CSMD3: variants seen among roughly 807,000 people sequenced by gnomAD.
CSMD3 encodes the protein CUB and Sushi multiple domains 3.
In CSMD3, 177 loss-of-function variants were observed where a neutral mutation model predicts 435.2. That is an observed-to-expected ratio of 0.41 (90% CI 0.36 to 0.46). CSMD3 has a LOEUF of 0.46. Among genes scored for constraint, CSMD3 ranks in the 20% least tolerant of loss-of-function variants. CSMD3 has a pLI of 0.34. For synonymous variants in CSMD3, 1,656 were observed against 1,520.5 expected, an observed-to-expected ratio of 1.09 and a Z score of -2.07; for missense variants, 4,265 against 4,504.6, an observed-to-expected ratio of 0.95 and a Z score of 1.52.
chr8:112,292,358 T>C (rs1819845962), intron 55 of CSMD3, among the ~76,000 whole-genome samples, 179 bp downstream of exon 55: 1 of 152,106 alleles, frequency 6.6e-6, no homozygotes, highest in Non-Finnish European at 1.5e-5. Context: ...CTTTTAAAAA[T>C]ATGTTACAAA....
chr8:112,738,531 A>G (rs1160760352), intron 13 of CSMD3, among the ~76,000 whole-genome samples: 1 of 151,786 alleles, frequency 6.6e-6, no homozygotes, highest in African/African-American at 2.4e-5. Context: ...TAGGTACTTC[A>G]GAAGAGAAAT....
chr8:113,346,682 C>G (rs958096947), intron 1 of CSMD3, among the ~76,000 whole-genome samples: 1 of 151,466 alleles, frequency 6.6e-6, no homozygotes, highest in African/African-American at 2.4e-5. Context: ...TATCTCCAGT[C>G]AAGTATTAAA....
chr8:113,130,289 T>G (rs1469253482), intron 4 of CSMD3, among the ~76,000 whole-genome samples: 1 of 152,090 alleles, frequency 6.6e-6, no homozygotes, highest in East Asian at 1.9e-4. Flanking sequence ...TGTATTTGTG[T>G]CCCCATCCAA....
chr8:112,842,878 T>G (rs533918175), intron 11 of CSMD3, among the ~76,000 whole-genome samples: 1 of 151,908 alleles, frequency 6.6e-6, no homozygotes, highest in South Asian at 2.1e-4. Context: ...ACTATTATTG[T>G]AAGTATTAAA....
intron 17 of CSMD3, among the ~76,000 whole-genome samples, chr8:112,663,902 A>G (rs1251584082): frequency 6.6e-6 from 1 of 152,186 alleles, no homozygotes; most frequent in Non-Finnish European, 1.5e-5. Flanking sequence ...TTCTGGAGAC[A>G]GAATTTAAGT....
intron 30 of CSMD3, among the ~76,000 whole-genome samples, chr8:112,494,494 C>CCTTTCT (rs1554591430): frequency 7.5e-5 from 3 of 40,174 alleles, no homozygotes; most frequent in African/African-American, 2.6e-4. Flanking sequence ...TTCTTTCTCT[C>CCTTTCT]CTTTCTTTCT....
At chr8:113,081,952 C>G (rs1367128841) in intron 5 of CSMD3, among the ~76,000 whole-genome samples, 2 of 152,118 alleles carry the variant, frequency 1.3e-5, no homozygotes, top group Non-Finnish European at 2.9e-5. Context: ...AACATCAATT[C>G]CTCTAGCAGG....
intron 5 of CSMD3, among the ~76,000 whole-genome samples, chr8:113,085,732 C>T (rs1022492234): frequency 1.3e-5 from 2 of 151,986 alleles, no homozygotes; most frequent in Non-Finnish European, 2.9e-5. Context: ...AAAAATGGTG[C>T]TCATAGATGT....
intron 6 of CSMD3, among the ~76,000 whole-genome samples, chr8:113,012,389 C>G (rs1362383026): frequency 6.6e-6 from 1 of 151,894 alleles, no homozygotes; most frequent in Non-Finnish European, 1.5e-5. Context: ...ATCTACTCAT[C>G]TATGTCTAAT....
intron 1 of CSMD3, among the ~76,000 whole-genome samples, chr8:113,403,380 G>A (rs1365258798): frequency 6.6e-6 from 1 of 151,140 alleles, no homozygotes; most frequent in Admixed American, 6.6e-5. Context: ...CATTTTATGA[G>A]TGACTTTTGG....
chr8:112,278,251 C>T (rs1279317140), intron 59 of CSMD3, among the ~76,000 whole-genome samples: 1 of 152,150 alleles, frequency 6.6e-6, no homozygotes, highest in Non-Finnish European at 1.5e-5. Flanking sequence ...ACTGGCTCTG[C>T]TGCCACCTGG....
chr8:112,533,508 A>C (rs1356316776), intron 27 of CSMD3, among the ~76,000 whole-genome samples: 1 of 152,086 alleles, frequency 6.6e-6, no homozygotes, highest in African/African-American at 2.4e-5. Flanking sequence ...AAAAAACTGA[A>C]AAGATACAAA....
chr8:112,549,401 T>C (rs1346462275), intron 27 of CSMD3, among the ~76,000 whole-genome samples: 2 of 152,068 alleles, frequency 1.3e-5, no homozygotes, highest in African/African-American at 4.8e-5. Flanking sequence ...AGTGCAAATT[T>C]AGAGATATTG....
At chr8:113,172,515 A>T (rs1349771546) in intron 4 of CSMD3, among the ~76,000 whole-genome samples, 1 of 152,190 alleles carries the variant, frequency 6.6e-6, no homozygotes, top group African/African-American at 2.4e-5. Context: ...ATTTTTACTA[A>T]GCAGCCAGTG....
intron 10 of CSMD3, among the ~76,000 whole-genome samples, chr8:112,903,650 A>G (rs925810000): frequency 6.6e-6 from 1 of 151,146 alleles, no homozygotes; most frequent in Non-Finnish European, 1.5e-5. Flanking sequence ...ACTTTTACAA[A>G]CACTGTAAAT....
chr8:112,625,287 G>A (rs533753911), intron 22 of CSMD3, among the ~76,000 whole-genome samples: 358 of 152,078 alleles, frequency 2.4e-3, no homozygotes, highest in African/African-American at 8.2e-3. Context: ...TTTTACACAA[G>A]CACATTACAT....
chr8:113,296,704 G>A (rs1588462052), intron 2 of CSMD3, among the ~76,000 whole-genome samples: 2 of 152,108 alleles, frequency 1.3e-5, no homozygotes, highest in East Asian at 3.8e-4. Flanking sequence ...ATCAGATATA[G>A]AGAATACCAA....
chr8:112,751,688 A>T (rs941422428), intron 13 of CSMD3, among the ~76,000 whole-genome samples: 52 of 151,472 alleles, frequency 3.4e-4, no homozygotes, highest in Non-Finnish European at 2.8e-4. Context: ...CAAAGTCACA[A>T]GTTGGTAACC....
intron 3 of CSMD3, among the ~76,000 whole-genome samples, chr8:113,259,235 T>A (rs1221947529): frequency 6.6e-6 from 1 of 152,170 alleles, no homozygotes; most frequent in Non-Finnish European, 1.5e-5. Flanking sequence ...GTTAGTAGAC[T>A]GAATCAATCA....
Sources: gnomAD v4.1 joint callset for allele counts (sites outside exome capture counted in the v4.1 genomes callset) on GRCh38, gnomAD v4.1.1 for gene constraint, MANE v1.5 for transcripts, NCBI Gene and HGNC (gene_info 2026-07-23, HGNC 2026-07-21) for gene names.